Variants in DNAH3 observed in about 807,000 individuals in gnomAD.
DNAH3 encodes dynein axonemal heavy chain 3.
Under a neutral mutation model 432.5 loss-of-function variants are expected in DNAH3, and 332 were observed. The ratio of observed to expected loss-of-function variants is 0.77; its 90% confidence interval spans 0.70 to 0.84. The LOEUF (loss-of-function observed/expected upper bound fraction) is 0.84. Among genes scored for constraint, DNAH3 ranks in the 40% least tolerant of loss-of-function variants. The pLI is 0.00. For synonymous variants in DNAH3, 1,956 were observed against 1,900.2 expected (o/e 1.03, Z -0.76); for missense variants, 4,861 against 5,114.0 (o/e 0.95, Z 1.51).
chr16:21,151,993 G>C (rs1298638194), intron 1 of DNAH3, among the ~76,000 whole-genome samples: 2 of 152,122 alleles, frequency 1.3e-5, no homozygotes, highest in African/African-American at 4.8e-5. Flanking sequence ...CCAGCACTCT[G>C]AAAGGCTGAG....
chr16:21,025,582 T>C (rs574921198), intron 38 of DNAH3, among the ~76,000 whole-genome samples: 1 of 150,718 alleles, frequency 6.6e-6, no homozygotes, highest in Non-Finnish European at 1.5e-5. Flanking sequence ...ATCTGTGTTC[T>C]ATATAATATT....
At chr16:21,108,452 T>C (rs2091996323) in intron 14 of DNAH3, among the ~76,000 whole-genome samples, 1 of 152,140 alleles carries the variant, frequency 6.6e-6, no homozygotes, top group African/African-American at 2.4e-5. Context: ...CCAAAGAAAG[T>C]CTCCAAGTAG....
chr16:21,046,021 T>C (rs1220664043), intron 31 of DNAH3, among the ~76,000 whole-genome samples: 13 of 152,134 alleles, frequency 8.5e-5, no homozygotes, highest in Admixed American at 7.9e-4. Context: ...CTAATTTGAT[T>C]GCCCTGTGGT....
chr16:21,041,637 C>A (rs1195123470), intron 32 of DNAH3, among the ~76,000 whole-genome samples: 1 of 152,072 alleles, frequency 6.6e-6, no homozygotes, highest in East Asian at 1.9e-4. Flanking sequence ...ATAAATTTAC[C>A]CCCAGGTAGG....
Position 21,060,366 on chromosome 16 carries a change from A to G in DNAH3, c.3721-10T>C. 1 of 1,611,556 alleles carries G rather than the reference A, an allele frequency of 6.2e-7. No homozygotes were observed. The highest frequency in any genetic ancestry group is 8.5e-7 in the Non-Finnish European group (1 of 1,178,096). On this transcript the variant is annotated splice_polypyrimidine_tract_variant and intron_variant, in intron 25 of 61. Coordinates refer to ENST00000261383, the Ensembl canonical transcript of DNAH3. ...ACTTTTCCACCATGCCCTATGGAGC[A>G]AGACAGAGAGAGGGTGCAGCAGTCA...
chr16:21,142,199 T>C (rs2092728288), intron 3 of DNAH3, among the ~76,000 whole-genome samples: 1 of 151,830 alleles, frequency 6.6e-6, no homozygotes, highest in Non-Finnish European at 1.5e-5. Context: ...ATCCCCCATC[T>C]CTACTAAAAA....
rs200986318 is a variant in DNAH3, at chr16:21,002,210, A to G, written c.6126+894T>C. On this transcript the variant is annotated intron_variant, in intron 42 of 61. Coordinates refer to ENST00000261383, the Ensembl canonical transcript of DNAH3. The stretch of plus-strand genomic sequence containing the variant: ...TGAACAATCTCCAGTCACTTCAGAA[A>G]GATAAACTATGCCCACTAGATTCTA... 3.3e-5 allele frequency among the ~76,000 whole-genome samples: 5 copies of G among 152,176 alleles called. No individual in the cohort carries two copies. The East Asian group carries it at 9.6e-4, about 29-fold the overall frequency.
Position 21,003,121 on chromosome 16 carries a change from CT to C in DNAH3, c.6108del (p.Val2037PhefsTer24). Reference sequence around the variant, plus strand: ...CTTTATACCTTTGCACCAGCTGGAACTTTTTCCTCCTCTTTGGTGATATACT... The same window carrying C: ...CTTTATACCTTTGCACCAGCTGGAACTTTTCCTCCTCTTTGGTGATATACT... On this transcript the variant is annotated frameshift_variant, in exon 42 of 62. Coordinates refer to ENST00000261383, the Ensembl canonical transcript of DNAH3. LOFTEE classifies it high-confidence loss of function. The C allele has an allele frequency of 6.2e-7, 1 of 1,611,456 alleles. No homozygotes were observed. The highest frequency in any genetic ancestry group is 1.7e-4 in the Middle Eastern group (1 of 6,050).
At chr16:21,149,719 T>C (rs544734325) in intron 1 of DNAH3, among the ~76,000 whole-genome samples, 217 of 152,284 alleles carry the variant, frequency 1.4e-3, no homozygotes, top group African/African-American at 5.0e-3. Flanking sequence ...TTGGAATATA[T>C]GGTCTAATGG....
intron 29 of DNAH3, 21 bp from the exon 30 acceptor site, chr16:21,050,039 C>G (rs751646696): frequency 6.4e-7 from 1 of 1,554,204 alleles, no homozygotes; most frequent in Admixed American, 1.7e-5. Context: ...GAAAATAGAA[C>G]TTCAGTGCTT....
intron 1 of DNAH3, among the ~76,000 whole-genome samples, chr16:21,152,857 G>A (rs2092870304): frequency 6.6e-6 from 1 of 152,238 alleles, no homozygotes; most frequent in Non-Finnish European, 1.5e-5. Context: ...GGGACTTGCA[G>A]CCCGCCATGC....
intron 44 of DNAH3, among the ~76,000 whole-genome samples, chr16:20,992,976 A>C (rs1597085674): frequency 1.3e-5 from 2 of 151,814 alleles, no homozygotes; most frequent in Non-Finnish European, 1.5e-5. Context: ...AGCAATTCTC[A>C]TGTTTCAGCC....
chr16:21,097,460 T>C, exon 18 of DNAH3: 1 of 1,613,978 alleles, frequency 6.2e-7, no homozygotes, highest in Non-Finnish European at 8.5e-7. Flanking sequence ...GGGTAAGTAC[T>C]CTTCTCCTTT....
exon 23 of DNAH3, chr16:21,069,449 A>G: frequency 6.2e-7 from 1 of 1,614,158 alleles, no homozygotes; most frequent in Non-Finnish European, 8.5e-7. Flanking sequence ...GTAACTATCA[A>G]CAATGCCAAA....
At chr16:21,042,272 T>C in intron 31 of DNAH3, 69 bp from the exon 32 acceptor site, 1 of 1,456,050 alleles carries the variant, frequency 6.9e-7, no homozygotes. Flanking sequence ...TCTACCGGAG[T>C]CCTCCCACAT....
chr16:21,114,538 CTGTCAA>C (rs1477511900), intron 12 of DNAH3, among the ~76,000 whole-genome samples: 1 of 152,146 alleles, frequency 6.6e-6, no homozygotes, highest in African/African-American at 2.4e-5. Context: ...ATCCGTGGAA[CTGTCAA>C]TCCAGAAAGA....
intron 41 of DNAH3, among the ~76,000 whole-genome samples, chr16:21,006,831 T>G (rs2087328145): frequency 6.6e-6 from 1 of 151,734 alleles, no homozygotes; most frequent in South Asian, 2.1e-4. Context: ...ACAACAGGCA[T>G]GCACCACCAC....
At chr16:21,017,174 T>A (rs1241980891) in intron 41 of DNAH3, among the ~76,000 whole-genome samples, 1 of 152,130 alleles carries the variant, frequency 6.6e-6, no homozygotes, top group Admixed American at 6.5e-5. Flanking sequence ...TTATGTGCAT[T>A]TTACTATGAC....
exon 53 of DNAH3, chr16:20,963,578 T>A: frequency 6.2e-7 from 1 of 1,614,012 alleles, no homozygotes; most frequent in Non-Finnish European, 8.5e-7. Flanking sequence ...AAATGCTCCA[T>A]CAGGCCATGC....
Sources: allele counts gnomAD v4.1 joint callset (sites outside exome capture counted in the v4.1 genomes callset), GRCh38; gene constraint gnomAD v4.1.1; transcripts MANE v1.5; gene names NCBI Gene and HGNC (gene_info 2026-07-23, HGNC 2026-07-21).